The following CMSS1 variants were observed in gnomAD, a reference collection of about 807,000 sequenced individuals.
CMSS1 encodes protein CMSS1.
CMSS1 carries 33 observed loss-of-function variants against 43.5 expected under a neutral mutation model. The observed-to-expected ratio is 0.76, with a 90% CI of 0.57 to 1.01. The LOEUF (loss-of-function observed/expected upper bound fraction) is 1.01, where lower values mean the gene tolerates loss of function less well. CMSS1 is among the 50% of genes least tolerant of loss of function. The pLI is 0.00. For missense variants in CMSS1, 313 were observed against 326.4 expected (o/e 0.96, Z 0.32); for synonymous variants, 115 against 117.2 (o/e 0.98, Z 0.12).
chr3:100,060,471 G>A (rs551028345), intron 1 of CMSS1, among the ~76,000 whole-genome samples: 85 of 151,778 alleles, frequency 5.6e-4, no homozygotes, highest in African/African-American at 1.5e-3. Flanking sequence ...TGAAATCAGA[G>A]CACATTAGAA....
intron 1 of CMSS1, among the ~76,000 whole-genome samples, chr3:99,893,884 G>C (rs761707733): frequency 3.3e-5 from 5 of 152,052 alleles, no homozygotes; most frequent in Non-Finnish European, 7.4e-5. Flanking sequence ...AAAAAATCTG[G>C]CTCCCCCTTT....
At chr3:100,048,851 G>A (rs1224724244) in intron 1 of CMSS1, among the ~76,000 whole-genome samples, 2 of 152,022 alleles carry the variant, frequency 1.3e-5, no homozygotes, top group Non-Finnish European at 2.9e-5. Context: ...AAAATCTGTT[G>A]TGCAGAATTA....
chr3:99,867,777 G>T (rs1219249571), intron 1 of CMSS1, among the ~76,000 whole-genome samples: 1 of 152,052 alleles, frequency 6.6e-6, no homozygotes, highest in East Asian at 1.9e-4. Context: ...CATGTCAAGA[G>T]ATTTTATGGC....
At chr3:99,898,158 G>A (rs1432102951) in intron 1 of CMSS1, 1 of 152,118 alleles carries the variant, frequency 6.6e-6, no homozygotes, top group African/African-American at 2.4e-5. Flanking sequence ...TGAGGGTTTA[G>A]ATATGATACA....
intron 1 of CMSS1, among the ~76,000 whole-genome samples, chr3:99,990,053 G>A (rs1709466996): frequency 6.6e-6 from 1 of 152,098 alleles, no homozygotes. Flanking sequence ...GACTATTTTT[G>A]CAATTCTCTG....
rs1438285033 is a variant in CMSS1, at chr3:100,166,398, A to G, written c.415+4A>G. The G allele has an allele frequency of 8.4e-6, 13 of 1,556,128 alleles. No individual in the cohort carries two copies. Among genetic ancestry groups the G allele is most frequent in the Non-Finnish European group, 1.2e-5 (13 of 1,128,306 alleles). The stretch of plus-strand genomic sequence containing the variant: ...CTTTCCTCATACCTAAAAGAAAGTA[A>G]GTAAACTCTGATTTTAATCTATTTA... On this transcript the variant is annotated splice_donor_region_variant and intron_variant, in intron 5 of 9. Transcript: ENST00000421999.
intron 1 of CMSS1, among the ~76,000 whole-genome samples, chr3:100,000,981 C>T (rs752241912): frequency 8.5e-5 from 13 of 152,154 alleles, no homozygotes; most frequent in Non-Finnish European, 1.9e-4. Context: ...ATAAGATAAC[C>T]TAGTTACTGG....
At chr3:99,870,170 C>T (rs1944720101) in intron 1 of CMSS1, among the ~76,000 whole-genome samples, 1 of 152,164 alleles carries the variant, frequency 6.6e-6, no homozygotes, top group Admixed American at 6.5e-5. Flanking sequence ...GGGTGGATGA[C>T]ATTGTTCCCT....
At chr3:100,112,372 C>T (rs973841914) in intron 1 of CMSS1, among the ~76,000 whole-genome samples, 6 of 152,086 alleles carry the variant, frequency 3.9e-5, no homozygotes, top group South Asian at 2.1e-4. Context: ...GCCTGACTCT[C>T]GGCAAGTTGC....
At chr3:99,924,688 T>G (rs1707235418) in intron 1 of CMSS1, among the ~76,000 whole-genome samples, 1 of 152,008 alleles carries the variant, frequency 6.6e-6, no homozygotes, top group Non-Finnish European at 1.5e-5. Context: ...CCAACTAATT[T>G]TTTTTGTACT....
chr3:99,932,189 C>T (rs1707503417), intron 1 of CMSS1, among the ~76,000 whole-genome samples: 1 of 152,110 alleles, frequency 6.6e-6, no homozygotes, highest in Non-Finnish European at 1.5e-5. Flanking sequence ...TCCTCCCTTC[C>T]CACTCCAGAA....
chr3:100,037,143 A>C (rs2065121428), intron 1 of CMSS1, among the ~76,000 whole-genome samples: 1 of 151,068 alleles, frequency 6.6e-6, no homozygotes, highest in South Asian at 2.1e-4. Flanking sequence ...AAATGTGGGG[A>C]TGAAACATAA....
chr3:99,854,027 C>T (rs1943836616), intron 1 of CMSS1, among the ~76,000 whole-genome samples: 1 of 152,108 alleles, frequency 6.6e-6, no homozygotes, highest in African/African-American at 2.4e-5. Context: ...GGAAAGACAG[C>T]TGGTTATGCT....
chr3:99,870,395 C>T (rs935116012), intron 1 of CMSS1, among the ~76,000 whole-genome samples: 9 of 152,186 alleles, frequency 5.9e-5, no homozygotes, highest in Non-Finnish European at 1.2e-4. Context: ...AGCATTCTCC[C>T]ACATTGTTTA....
At chr3:99,880,784 G>A (rs1264959186) in intron 1 of CMSS1, among the ~76,000 whole-genome samples, 1 of 151,932 alleles carries the variant, frequency 6.6e-6, no homozygotes, top group African/African-American at 2.4e-5. Context: ...CATGAATACT[G>A]CCAACTATTA....
intron 8 of CMSS1, among the ~76,000 whole-genome samples, chr3:100,173,720 G>A (rs780583570): frequency 1.4e-4 from 22 of 152,136 alleles, no homozygotes; most frequent in Non-Finnish European, 2.8e-4. Context: ...TGGGAGAACA[G>A]CCCAGTGAGA....
intron 2 of CMSS1, among the ~76,000 whole-genome samples, chr3:100,159,643 AT>A (rs2067005795): frequency 2.0e-5 from 3 of 152,236 alleles, no homozygotes; most frequent in Non-Finnish European, 4.4e-5. Flanking sequence ...CACAGGAAAC[AT>A]TTTATACTCC....
At chr3:100,092,172 C>A (rs1028043148) in intron 1 of CMSS1, among the ~76,000 whole-genome samples, 2 of 152,122 alleles carry the variant, frequency 1.3e-5, no homozygotes, top group African/African-American at 4.8e-5. Context: ...TTTATCATGG[C>A]TTTCAAAGTT....
chr3:99,956,627 G>A (rs759908961), intron 1 of CMSS1, among the ~76,000 whole-genome samples: 3 of 152,312 alleles, frequency 2.0e-5, no homozygotes, highest in Non-Finnish European at 4.4e-5. Context: ...GATTAAAGGC[G>A]TGAGCCCCCG....
Sources: allele counts gnomAD v4.1 joint callset (sites outside exome capture counted in the v4.1 genomes callset), GRCh38; gene constraint gnomAD v4.1.1; transcripts MANE v1.5; gene names NCBI Gene and HGNC (gene_info 2026-07-23, HGNC 2026-07-21).